MLC1: variants seen among roughly 807,000 people sequenced by gnomAD.
MLC1 encodes membrane protein MLC1.
In MLC1, 32 loss-of-function variants were observed where a neutral mutation model predicts 44.7. The observed-to-expected ratio is 0.72, with a 90% CI of 0.54 to 0.96. The LOEUF (loss-of-function observed/expected upper bound fraction) is 0.96, where lower values mean the gene tolerates loss of function less well. Among genes scored for constraint, MLC1 ranks in the 40% least tolerant of loss-of-function variants. MLC1 has a pLI of 0.00. For missense variants in MLC1, 459 were observed against 492.2 expected, an observed-to-expected ratio of 0.93 and a Z score of 0.64; for synonymous variants, 190 against 213.0, an observed-to-expected ratio of 0.89 and a Z score of 0.94.
rs756252878 is a variant in MLC1, at chr22:50,077,425, G to A, written c.501C>T (p.Ser167=). ...AATVIIAARS[S]EEDCKKKKGS... ...CCTTCTTTTTCTTGCAGTCCTCCTC[G>A]CTGGACCGTGCAGCGATGATCACCG... The change falls in exon 6 of 12, where the codon AGC becomes AGT. Residue 167 remains serine (S), a synonymous_variant. Coordinates refer to ENST00000311597, the MANE Select transcript of MLC1 (RefSeq NM_015166.4). 2.5e-6 allele frequency: 4 copies of A among 1,613,720 alleles called. No homozygotes were observed. The highest frequency in any genetic ancestry group is 2.7e-5 in the African/African-American group (2 of 74,912).
chr22:50,064,866 A>G (rs1257750824), intron 10 of MLC1, among the ~76,000 whole-genome samples: 3 of 147,930 alleles, frequency 2.0e-5, no homozygotes, highest in Admixed American at 6.8e-5. Flanking sequence ...CCAAACATCT[A>G]TCCAATGTCA....
At position 50,083,730 on chromosome 22, in the gene MLC1, G is replaced by A. The variant is rs1012026441; in HGVS notation, c.178-557C>T. 6.6e-6 allele frequency among the ~76,000 whole-genome samples: 1 copy of A among 152,080 alleles called. No homozygotes were observed. Among genetic ancestry groups the A allele is most frequent in the Non-Finnish European group, 1.5e-5 (1 of 68,004 alleles). ...ACTGCAGGGGTGCGGTGGGGAGGGG[G>A]CTCTCTCTCACGCACAGCACCCCCG... On this transcript the variant is annotated intron_variant, in intron 2 of 11. Coordinates refer to ENST00000311597, the MANE Select transcript of MLC1 (RefSeq NM_015166.4). The surrounding 1 kb of genome is among the most constrained non-coding windows in gnomAD (Gnocchi z 4.6).
At chr22:50,061,714 G>T in intron 11 of MLC1, 57 bp from the exon 12 acceptor site, 7 of 1,505,706 alleles carry the variant, frequency 4.6e-6, no homozygotes, top group Non-Finnish European at 6.4e-6. Context: ...CGGCGGGAAG[G>T]TGGACACGCC....
chr22:50,068,388 A>G (rs1462346815), intron 10 of MLC1, 45 bp downstream of exon 10: 19 of 1,607,834 alleles, frequency 1.2e-5, no homozygotes, highest in Non-Finnish European at 1.6e-5. Flanking sequence ...GCCAACACGC[A>G]GAGCACCACA....
At chr22:50,082,341 G>A (rs548042254) in intron 3 of MLC1, among the ~76,000 whole-genome samples, 9 of 152,382 alleles carry the variant, frequency 5.9e-5, no homozygotes, top group Admixed American at 3.3e-4. Flanking sequence ...GGAGGCAGTG[G>A]CCGGGGTTCA....
intron 8 of MLC1, among the ~76,000 whole-genome samples, chr22:50,071,172 G>A (rs1245182070): frequency 1.3e-5 from 2 of 150,746 alleles, no homozygotes; most frequent in Non-Finnish European, 2.9e-5. Flanking sequence ...ACGGTGGCGC[G>A]ATCTTGACTC....
chr22:50,072,172 G>A (rs2061867982), intron 8 of MLC1, among the ~76,000 whole-genome samples: 1 of 152,238 alleles, frequency 6.6e-6, no homozygotes, highest in Admixed American at 6.5e-5. Context: ...AGTGAGCCAT[G>A]GGAGGGCGGG....
Position 50,083,114 on chromosome 22 carries a change from C to G in MLC1, c.237G>C (p.Glu79Asp). ...SLYLGNVFPA[E>D]MDYLRCAAGS... ...CTGCAGCACAGCGCAAGTAATCCAT[C>G]TCAGCCGGGAACACGTTCCCCAGGT... Residue 79 changes from glutamate (E) to aspartate (D), a missense_variant, in exon 3 of 12, where the codon GAG becomes GAC. By Grantham distance (45) the Glu-to-Asp change is conservative. Coordinates refer to ENST00000311597, the MANE Select transcript of MLC1 (RefSeq NM_015166.4). The surrounding 1 kb of genome is among the most constrained non-coding windows in gnomAD (Gnocchi z 4.6). The G allele has an allele frequency of 6.2e-7, 1 of 1,614,114 alleles. No homozygotes were observed. The highest frequency in any genetic ancestry group is 8.5e-7 in the Non-Finnish European group (1 of 1,180,018).
intron 7 of MLC1, 174 bp from the exon 8 acceptor site, chr22:50,074,506 T>C (rs1244613607): frequency 3.0e-6 from 2 of 661,242 alleles, no homozygotes; most frequent in Middle Eastern, 3.8e-4. Flanking sequence ...CCAGACCCCC[T>C]CTGCCCTCAG....
In MLC1 at chr22:50,061,301, C is replaced by T; in HGVS notation, c.*282G>A. ...GGGGTGGGGCTCTCAAGAGGCCGAG[C>T]CGGGGGCCCTTCCTCGGCCTGGGAA... is the stretch of plus-strand genomic sequence containing the variant. On this transcript the variant is annotated 3_prime_UTR_variant, in exon 12 of 12. Transcript: ENST00000311597. 2.0e-6 allele frequency: 1 copy of T among 503,978 alleles called. No individual in the cohort carries two copies. Among genetic ancestry groups the T allele is most frequent in the Middle Eastern group, 5.7e-4 (1 of 1,752 alleles). 31.2% of individuals were successfully genotyped at this position (503,978 alleles called of 1,614,324 possible).
intron 10 of MLC1, among the ~76,000 whole-genome samples, chr22:50,065,525 T>TC (rs1601977756): frequency 6.6e-6 from 1 of 152,188 alleles, no homozygotes; most frequent in Non-Finnish European, 1.5e-5. Context: ...GGAGCTGGTC[T>TC]CCCCCGGCAC....
At chr22:50,081,613 G>A (rs2062143822) in intron 3 of MLC1, among the ~76,000 whole-genome samples, 4 of 152,246 alleles carry the variant, frequency 2.6e-5, no homozygotes, top group Admixed American at 6.5e-5. Flanking sequence ...GGGACCCCGG[G>A]CCCTGAGTCG....
rs1447715096 is a variant in MLC1, at chr22:50,070,589, A to T, written c.715-6T>A. On this transcript the variant is annotated splice_region_variant and splice_polypyrimidine_tract_variant and intron_variant, in intron 8 of 11. Coordinates refer to ENST00000311597, the MANE Select transcript of MLC1 (RefSeq NM_015166.4). ...GCAATGGCACTTGGAAAGCACTAAG[A>T]GAAAAGAAAAAGGAAAGATTTTAGA... 1.3e-6 allele frequency: 2 copies of T among 1,559,066 alleles called. No homozygotes were observed. Among genetic ancestry groups the T allele is most frequent in the Non-Finnish European group, 1.7e-6 (2 of 1,150,772 alleles).
intron 11 of MLC1, among the ~76,000 whole-genome samples, chr22:50,063,773 G>A (rs1315429144): frequency 2.5e-5 from 3 of 118,624 alleles, no homozygotes; most frequent in African/African-American, 9.1e-5. Context: ...TCACCTCCCT[G>A]GCTGGGCCCC....
At chr22:50,071,560 C>T (rs565591798) in intron 8 of MLC1, among the ~76,000 whole-genome samples, 60 of 152,254 alleles carry the variant, frequency 3.9e-4, no homozygotes, top group Middle Eastern at 6.8e-3. Flanking sequence ...CAGCTGCAGT[C>T]GGGCCTCCGT....
intron 4 of MLC1, 41 bp downstream of exon 4, chr22:50,080,303 G>A (rs771002577): frequency 1.5e-5 from 24 of 1,582,248 alleles, no homozygotes; most frequent in East Asian, 4.6e-5. Flanking sequence ...CAGCCCCTCC[G>A]GCTTTCTCCC....
intron 4 of MLC1, 94 bp from the exon 5 acceptor site, chr22:50,080,113 A>T (rs747241054): frequency 1.6e-4 from 184 of 1,121,486 alleles, no homozygotes; most frequent in Non-Finnish European, 2.3e-4. Flanking sequence ...ACTAAAAATT[A>T]TCCTGATTAG....
At chr22:50,064,560 A>AAG (rs1193382187) in intron 10 of MLC1, among the ~76,000 whole-genome samples, 3 of 152,164 alleles carry the variant, frequency 2.0e-5, no homozygotes, top group African/African-American at 7.2e-5. Flanking sequence ...CGGGAGGCAG[A>AAG]AGCGCTGACC....
At chr22:50,063,260 G>A (rs1031327084) in intron 11 of MLC1, among the ~76,000 whole-genome samples, 2 of 152,042 alleles carry the variant, frequency 1.3e-5, no homozygotes, top group African/African-American at 2.4e-5. Flanking sequence ...GGATCATGAG[G>A]TCAGGAGTTC....
Sources: allele counts gnomAD v4.1 joint callset (sites outside exome capture counted in the v4.1 genomes callset), GRCh38; gene constraint gnomAD v4.1.1; non-coding constraint Gnocchi (gnomAD v3.1); transcripts MANE v1.5; gene names NCBI Gene and HGNC (gene_info 2026-07-23, HGNC 2026-07-21).